Variants in SHTN1 observed in about 807,000 individuals in gnomAD.
SHTN1 encodes the protein shootin 1.
SHTN1 carries 42 observed loss-of-function variants against 83.1 expected under a neutral mutation model. The ratio of observed to expected loss-of-function variants is 0.51; its 90% CI spans 0.39 to 0.65. SHTN1 has a LOEUF of 0.65. Ranked by LOEUF, SHTN1 falls within the 30% of genes least tolerant of loss-of-function variation. SHTN1 has a pLI of 0.00. For missense variants in SHTN1, 622 were observed against 737.8 expected (o/e 0.84, Z 1.82); for synonymous variants, 224 against 247.7 (o/e 0.90, Z 0.90).
intron 1 of SHTN1, among the ~76,000 whole-genome samples, chr10:117,063,312 G>T (rs921648511): frequency 2.6e-5 from 4 of 152,194 alleles, no homozygotes; most frequent in African/African-American, 9.6e-5. Flanking sequence ...CTTTAGAAGT[G>T]AAGTGGATCT....
chr10:116,915,598 C>A, intron 12 of SHTN1, 114 bp from the exon 13 acceptor site: 1 of 657,166 alleles, frequency 1.5e-6, no homozygotes, highest in Non-Finnish European at 2.7e-6. Flanking sequence ...ATTTTTCATT[C>A]ACAGTTGCAG....
At chr10:116,909,389 T>G (rs1477091694) in intron 14 of SHTN1, among the ~76,000 whole-genome samples, 1 of 152,168 alleles carries the variant, frequency 6.6e-6, no homozygotes, top group African/African-American at 2.4e-5. Flanking sequence ...ATAATACAAT[T>G]TTTTAAAAAT....
chr10:116,944,929 G>C lies in SHTN1; in HGVS notation c.706C>G (p.Gln236Glu). The change falls in exon 8 of 17, where the codon CAA (glutamine) becomes GAA (glutamate). Residue 236 changes from glutamine (Q) to glutamate (E), a missense_variant. Coordinates refer to ENST00000355371, the MANE Select transcript of SHTN1 (RefSeq NM_001127211.3). Reference protein sequence around the residue: ...DLRKKAESFAQEMFIEQNKLK... With the variant: ...DLRKKAESFAEEMFIEQNKLK... The stretch of plus-strand genomic sequence containing the variant: ...GATTTTTACAAGATACCCACCTCTT[G>C]TGCAAATGACTCTGCTTTCTTTCGA... 6.3e-7 allele frequency: 1 copy of C among 1,598,488 alleles called. No individual in the cohort carries two copies. The highest frequency in any genetic ancestry group is 8.6e-7 in the Non-Finnish European group (1 of 1,165,956).
chr10:117,083,403 C>A (rs1461496552), intron 1 of SHTN1, among the ~76,000 whole-genome samples: 1 of 149,996 alleles, frequency 6.7e-6, no homozygotes, highest in East Asian at 2.0e-4. Context: ...GCCGAGAGAT[C>A]CGCTGTTAGT....
chr10:117,038,378 G>T (rs1852532002), intron 2 of SHTN1, among the ~76,000 whole-genome samples: 1 of 151,370 alleles, frequency 6.6e-6, no homozygotes. Flanking sequence ...GGGCTCAAGA[G>T]ATCCTCCTGC....
chr10:116,909,948 C>T (rs1848124789), intron 14 of SHTN1, among the ~76,000 whole-genome samples: 2 of 152,038 alleles, frequency 1.3e-5, no homozygotes, highest in African/African-American at 4.8e-5. Flanking sequence ...TTTCGTGTTC[C>T]ATCTTAATTG....
chr10:116,914,469 TA>T (rs75969895), intron 13 of SHTN1, among the ~76,000 whole-genome samples: 588 of 134,810 alleles, frequency 4.4e-3, no homozygotes, highest in Admixed American at 4.5e-3. Context: ...AGACTCCATC[TA>T]AAAAAAAAAA....
chr10:117,030,737 A>G (rs1016776062), intron 2 of SHTN1, among the ~76,000 whole-genome samples: 1 of 152,030 alleles, frequency 6.6e-6, no homozygotes, highest in African/African-American at 2.4e-5. Flanking sequence ...TCAGTCTTTT[A>G]GTAGCAGAAT....
chr10:117,051,470 C>A (rs1852739914), intron 1 of SHTN1, among the ~76,000 whole-genome samples: 1 of 152,090 alleles, frequency 6.6e-6, no homozygotes, highest in African/African-American at 2.4e-5. Flanking sequence ...AGAAAAGAAA[C>A]TGCAGACCAA....
chr10:117,073,819 T>C (rs1853118325), intron 1 of SHTN1, among the ~76,000 whole-genome samples: 1 of 152,170 alleles, frequency 6.6e-6, no homozygotes, highest in Non-Finnish European at 1.5e-5. Flanking sequence ...CTCTGCCAGT[T>C]CAATGGATGG....
intron 1 of SHTN1, among the ~76,000 whole-genome samples, chr10:117,064,949 C>G (rs2133597949): frequency 6.6e-6 from 1 of 152,302 alleles, no homozygotes; most frequent in South Asian, 2.1e-4. Flanking sequence ...TACTCATTTA[C>G]ACCTCTCCCA....
chr10:117,077,014 T>C (rs1164882610), intron 1 of SHTN1, among the ~76,000 whole-genome samples: 1 of 152,176 alleles, frequency 6.6e-6, no homozygotes. Flanking sequence ...ACTGGTATAT[T>C]TACATCTCAG....
At chr10:117,121,981 G>C (rs1174085573) in intron 1 of SHTN1, among the ~76,000 whole-genome samples, 2 of 152,064 alleles carry the variant, frequency 1.3e-5, no homozygotes, top group Non-Finnish European at 2.9e-5. Flanking sequence ...GCAATGAGCT[G>C]AGATCGCGCC....
At chr10:116,983,657 T>C (rs1226402117) in intron 1 of SHTN1, among the ~76,000 whole-genome samples, 1 of 84,778 alleles carries the variant, frequency 1.2e-5, no homozygotes, top group East Asian at 3.8e-4. Context: ...GATAGATAGA[T>C]AGATAGATAG....
intron 2 of SHTN1, among the ~76,000 whole-genome samples, chr10:117,010,761 C>G (rs1310210783): frequency 6.6e-6 from 1 of 152,134 alleles, no homozygotes; most frequent in East Asian, 1.9e-4. Context: ...TCCAGGAATG[C>G]AAAAGTGGTT....
chr10:116,895,508 A>G (rs1215873984), intron 16 of SHTN1, among the ~76,000 whole-genome samples: 1 of 152,200 alleles, frequency 6.6e-6, no homozygotes, highest in Non-Finnish European at 1.5e-5. Flanking sequence ...TCCTCCCTTG[A>G]CAAGAGATCT....
At chr10:116,990,287 C>CTTTTT (rs11399364) in intron 1 of SHTN1, among the ~76,000 whole-genome samples, 260 of 119,586 alleles carry the variant, frequency 2.2e-3, no homozygotes, top group Non-Finnish European at 2.9e-3. Flanking sequence ...TTTTTTCTTT[C>CTTTTT]TTTTTTTTTT....
chr10:116,918,445 A>G (rs1418584226), intron 12 of SHTN1, among the ~76,000 whole-genome samples: 1 of 152,162 alleles, frequency 6.6e-6, no homozygotes, highest in Non-Finnish European at 1.5e-5. Context: ...TATTTCTTTC[A>G]CTAACTTTCT....
chr10:116,946,310 T>C (rs1849574616), intron 7 of SHTN1, among the ~76,000 whole-genome samples: 1 of 148,236 alleles, frequency 6.7e-6, no homozygotes, highest in Admixed American at 6.8e-5. Flanking sequence ...CTCTGGATTG[T>C]AAAGGTTGAG....
Sources: allele counts gnomAD v4.1 joint callset (sites outside exome capture counted in the v4.1 genomes callset), GRCh38; gene constraint gnomAD v4.1.1; transcripts MANE v1.5; gene names NCBI Gene and HGNC (gene_info 2026-07-23, HGNC 2026-07-21).